PPP4R1: variants seen among roughly 807,000 people sequenced by gnomAD.
PPP4R1 encodes serine/threonine-protein phosphatase 4 regulatory subunit 1.
In PPP4R1, 42 loss-of-function variants were observed where a neutral mutation model predicts 111.2. That is an observed-to-expected ratio of 0.38 (90% CI 0.29 to 0.49). The LOEUF is 0.49. Ranked by LOEUF, PPP4R1 falls within the 20% of genes least tolerant of loss-of-function variation. The pLI is 0.97. For synonymous variants in PPP4R1, 409 were observed against 405.5 expected, an observed-to-expected ratio of 1.01 and a Z score of -0.10; for missense variants, 1,012 against 1,161.6, an observed-to-expected ratio of 0.87 and a Z score of 1.87.
chr18:9,574,410 G>A (rs1287305678), intron 10 of PPP4R1, among the ~76,000 whole-genome samples: 2 of 152,184 alleles, frequency 1.3e-5, no homozygotes, highest in Non-Finnish European at 2.9e-5. Context: ...ACACGCTCCA[G>A]GATACCTTCC....
At chr18:9,566,648 G>GACACACACACAC (rs56772611) in intron 11 of PPP4R1, among the ~76,000 whole-genome samples, 52 of 144,120 alleles carry the variant, frequency 3.6e-4, no homozygotes, top group South Asian at 6.9e-4. Context: ...GAGGCGCTGT[G>GACACACACACAC]ACACACACAC....
chr18:9,577,912 T>C (rs1830158055), intron 9 of PPP4R1, among the ~76,000 whole-genome samples: 1 of 152,124 alleles, frequency 6.6e-6, no homozygotes, highest in Non-Finnish European at 1.5e-5. Flanking sequence ...TGTTTTCAGG[T>C]AGGAAAGACT....
chr18:9,562,503 TAAC>T (rs569188623), intron 12 of PPP4R1, among the ~76,000 whole-genome samples: 2 of 152,084 alleles, frequency 1.3e-5, no homozygotes, highest in African/African-American at 2.4e-5. Flanking sequence ...CCAAAAACAG[TAAC>T]AACAACAACA....
At chr18:9,594,861 T>C (rs780908110) in intron 3 of PPP4R1, 157 bp downstream of exon 3, 3 of 837,206 alleles carry the variant, frequency 3.6e-6, no homozygotes, top group Non-Finnish European at 5.3e-6. Context: ...AATAAACAAG[T>C]ACAAAACTGC....
At chr18:9,550,913 T>G (rs117323460) in intron 16 of PPP4R1, 2 of 152,926 alleles carry the variant, frequency 1.3e-5, no homozygotes, top group African/African-American at 4.8e-5. Flanking sequence ...GAGACTTTCA[T>G]GACATCTACC....
chr18:9,550,242 T>C, intron 17 of PPP4R1, 36 bp downstream of exon 17: 2 of 1,613,766 alleles, frequency 1.2e-6, no homozygotes, highest in South Asian at 1.1e-5. Context: ...GATCTTAGAG[T>C]TTGCTGATCT....
chr18:9,601,384 G>A (rs766552327), intron 2 of PPP4R1, among the ~76,000 whole-genome samples: 2 of 151,932 alleles, frequency 1.3e-5, no homozygotes, highest in African/African-American at 4.8e-5. Flanking sequence ...AAATTAGTCA[G>A]GCATGGTGGT....
At chr18:9,588,056 T>G (rs1263386274) in intron 6 of PPP4R1, 33 bp downstream of exon 6, 1 of 1,612,302 alleles carries the variant, frequency 6.2e-7, no homozygotes, top group African/African-American at 1.3e-5. Flanking sequence ...TCAGCCACAT[T>G]TTGCATAAGT....
chr18:9,594,816 A>G, intron 3 of PPP4R1: 1 of 488,246 alleles, frequency 2.0e-6, no homozygotes, highest in Non-Finnish European at 3.3e-6. Flanking sequence ...TTTTTTTTGC[A>G]AAGAAAGCAT....
chr18:9,550,549 CAGTTACCTCCAGTCT>C, intron 16 of PPP4R1, 151 bp from the exon 17 acceptor site: 1 of 781,940 alleles, frequency 1.3e-6, no homozygotes, highest in Non-Finnish European at 2.0e-6. Flanking sequence ...CTCTCCTGTA[CAGTTACCTCCAGTCT>C]CTGTGTATCT....
At chr18:9,570,937 C>T (rs2066852602) in intron 10 of PPP4R1, among the ~76,000 whole-genome samples, 1 of 152,078 alleles carries the variant, frequency 6.6e-6, no homozygotes, top group Admixed American at 6.5e-5. Flanking sequence ...GAGAAGGTAA[C>T]ATTTAAGAAT....
At chr18:9,594,328 T>C (rs62088870) in intron 3 of PPP4R1, 23,634 of 152,334 alleles carry the variant, frequency 0.16, 2,428 homozygotes, top group African/African-American at 0.29. Flanking sequence ...ATTTCCTAAG[T>C]GGCAAACGGC....
At chr18:9,548,842 C>T (rs373489436) in intron 19 of PPP4R1, among the ~76,000 whole-genome samples, 5 of 152,310 alleles carry the variant, frequency 3.3e-5, no homozygotes, top group African/African-American at 1.2e-4. Flanking sequence ...TGCTTGAACC[C>T]GGAAGGCAGA....
chr18:9,601,199 C>G (rs1433070675), intron 2 of PPP4R1, among the ~76,000 whole-genome samples: 1 of 139,308 alleles, frequency 7.2e-6, no homozygotes, highest in Non-Finnish European at 1.5e-5. Flanking sequence ...GTTATTGTTA[C>G]TGTTGTTTTT....
chr18:9,593,862 G>A lies in PPP4R1; in HGVS notation c.201C>T (p.Ala67=). 6.2e-7 allele frequency: 1 copy of A among 1,613,270 alleles called. No individual in the cohort carries two copies. Among genetic ancestry groups the A allele is most frequent in the Non-Finnish European group, 8.5e-7 (1 of 1,179,784 alleles). The change falls in exon 4 of 20, where the codon GCC becomes GCT. Residue 67 remains alanine (A), a synonymous_variant. Coordinates refer to ENST00000400556, the MANE Select transcript of PPP4R1 (RefSeq NM_001042388.3). ...CCCTCAAGGTATCGAGCAAACTCCGGGCCACCATTTGTCTACACAAAAAAA... is the reference window on the plus strand; with the variant it reads ...CCCTCAAGGTATCGAGCAAACTCCGAGCCACCATTTGTCTACACAAAAAAA... ...SENIFNRQMV[A]RSLLDTLREV...
chr18:9,572,633 T>C (rs2066879548), intron 10 of PPP4R1, among the ~76,000 whole-genome samples: 1 of 152,204 alleles, frequency 6.6e-6, no homozygotes, highest in South Asian at 2.1e-4. Flanking sequence ...AAAAGGACTG[T>C]GCAAAAGGAG....
Position 9,577,153 on chromosome 18 carries a change from T to A in PPP4R1, c.957A>T (p.Ile319=), listed in dbSNP as rs1368612132. 4 of 1,609,746 alleles carry A rather than the reference T, an allele frequency of 2.5e-6. No homozygotes were observed. The South Asian group carries it at 3.3e-5, about 13-fold the overall frequency. ...QAAFQSLGPF[I]STFANPSSSG... ...AGCTAGATGGATTAGCAAAAGTAGA[T>A]ATGAAAGGTCCCAGAGACTGAAAAG... Residue 319 remains isoleucine (I), a synonymous_variant, in exon 10 of 20, where the codon ATA becomes ATT. Transcript: ENST00000400556.
At chr18:9,611,667 T>C (rs1029454805) in intron 2 of PPP4R1, among the ~76,000 whole-genome samples, 1 of 152,266 alleles carries the variant, frequency 6.6e-6, no homozygotes, top group Non-Finnish European at 1.5e-5. Flanking sequence ...TATTGTGCCT[T>C]CAATGTCTGT....
chr18:9,578,528 T>G (rs2066974578), intron 9 of PPP4R1, among the ~76,000 whole-genome samples: 6 of 151,460 alleles, frequency 4.0e-5, no homozygotes. Context: ...TGTGAGTCAC[T>G]GCTCCTGGCT....
Sources: gnomAD v4.1 joint callset for allele counts (sites outside exome capture counted in the v4.1 genomes callset) on GRCh38, gnomAD v4.1.1 for gene constraint, MANE v1.5 for transcripts, NCBI Gene and HGNC (gene_info 2026-07-23, HGNC 2026-07-21) for gene names.